The following PSD3 variants were observed in gnomAD, a reference collection of about 807,000 sequenced individuals.
The protein encoded by PSD3 is PH and SEC7 domain-containing protein 3.
PSD3 carries 49 observed loss-of-function variants against 105.5 expected under a neutral mutation model. The observed-to-expected ratio is 0.46, with a 90% CI of 0.37 to 0.59. The LOEUF (loss-of-function observed/expected upper bound fraction) is 0.59, where lower values mean the gene tolerates loss of function less well. PSD3 is among the 20% of genes least tolerant of loss of function. The probability of loss-of-function intolerance (pLI) is 0.00; values close to 1 mark genes in which losing one functional copy is unlikely to be tolerated. For missense variants in PSD3, 1,561 were observed against 1,263.8 expected (o/e 1.24, Z -3.57); for synonymous variants, 557 against 457.8 (o/e 1.22, Z -2.77).
intron 10 of PSD3, among the ~76,000 whole-genome samples, chr8:18,637,186 ATTTCT>A (rs1807317632): frequency 6.6e-6 from 1 of 152,164 alleles, no homozygotes; most frequent in South Asian, 2.1e-4. Flanking sequence ...GTTTGTGTAC[ATTTCT>A]TTTGTCTTAC....
intron 2 of PSD3, among the ~76,000 whole-genome samples, chr8:18,879,273 G>T (rs2410580): frequency 0.13 from 19,927 of 152,072 alleles, 1,420 homozygotes; most frequent in South Asian, 0.2. Context: ...CTTGGCAACC[G>T]GTCAAAGAAA....
chr8:18,697,662 G>T (rs1369813745), intron 9 of PSD3, among the ~76,000 whole-genome samples: 4 of 152,148 alleles, frequency 2.6e-5, no homozygotes, highest in Admixed American at 2.6e-4. Flanking sequence ...AAAATCCCCA[G>T]AAGGTCCCAA....
chr8:18,695,844 GAAGGAGTATGAA>G (rs562301108), intron 9 of PSD3, among the ~76,000 whole-genome samples: 18 of 152,300 alleles, frequency 1.2e-4, no homozygotes, highest in African/African-American at 4.3e-4. Flanking sequence ...TCTGTAACAA[GAAGGAGTATGAA>G]ACAAGTCAAA....
chr8:19,014,804 G>C (rs1261715255), upstream of PSD3, among the ~76,000 whole-genome samples: 2 of 152,196 alleles, frequency 1.3e-5, no homozygotes, highest in Non-Finnish European at 2.9e-5. This position sits in a 1 kb window ranked among gnomAD's most constrained non-coding sequence, Gnocchi z 4.9. Context: ...GCATAGCTGA[G>C]ATGCACCAAG....
At chr8:19,039,062 A>C (rs13248318) in intron 1 of PSD3, among the ~76,000 whole-genome samples, 37,812 of 151,772 alleles carry the variant, frequency 0.25, 5,761 homozygotes, top group Middle Eastern at 0.39. Flanking sequence ...TTGACCTTTA[A>C]CTCCACACTG....
At chr8:18,862,336 A>C (rs1816513152) in intron 4 of PSD3, among the ~76,000 whole-genome samples, 2 of 151,814 alleles carry the variant, frequency 1.3e-5, no homozygotes, top group Admixed American at 6.6e-5. Context: ...GACCTAGAAG[A>C]GCCCCTAACC....
chr8:18,544,140 G>C (rs1406946472), intron 15 of PSD3, among the ~76,000 whole-genome samples: 2 of 127,742 alleles, frequency 1.6e-5, no homozygotes, highest in African/African-American at 6.5e-5. Flanking sequence ...TTTGCTCCTA[G>C]ATCTCTACAA....
chr8:18,971,327 CCGAGTCA>C (rs1824638027), intron 1 of PSD3, among the ~76,000 whole-genome samples: 1 of 152,192 alleles, frequency 6.6e-6, no homozygotes, highest in African/African-American at 2.4e-5. Context: ...CACAGGCTGA[CCGAGTCA>C]CTGCAGCCAC....
chr8:18,965,461 C>T (rs1056808128), intron 1 of PSD3, among the ~76,000 whole-genome samples: 6 of 152,148 alleles, frequency 3.9e-5, no homozygotes, highest in Non-Finnish European at 5.9e-5. Flanking sequence ...CCCCGTTCGG[C>T]GGGGGTGACA....
chr8:18,539,754 G>A (rs1363547307), intron 15 of PSD3, among the ~76,000 whole-genome samples: 3 of 151,790 alleles, frequency 2.0e-5, no homozygotes. Flanking sequence ...CACCATGTTG[G>A]CCAGGATGGT....
At chr8:18,821,872 C>CACACACACACA (rs10625767) in intron 4 of PSD3, among the ~76,000 whole-genome samples, 154 of 137,480 alleles carry the variant, frequency 1.1e-3, no homozygotes, top group African/African-American at 4.1e-3. Context: ...TGCACACACA[C>CACACACACACA]CACACACACA....
intron 14 of PSD3, among the ~76,000 whole-genome samples, chr8:18,561,022 T>C (rs867261269): frequency 2.0e-5 from 3 of 152,168 alleles, no homozygotes; most frequent in Non-Finnish European, 4.4e-5. Context: ...TCTGGAAAAC[T>C]GTAAGAAGGC....
At chr8:18,853,921 T>A (rs562745887) in intron 4 of PSD3, among the ~76,000 whole-genome samples, 1 of 152,194 alleles carries the variant, frequency 6.6e-6, no homozygotes, top group Non-Finnish European at 1.5e-5. Flanking sequence ...TCATTTGTCA[T>A]CCTTATTTAG....
chr8:18,710,209 A>T (rs1172916116), intron 9 of PSD3, among the ~76,000 whole-genome samples: 2 of 152,212 alleles, frequency 1.3e-5, no homozygotes, highest in Non-Finnish European at 2.9e-5. Context: ...CATGAGTATC[A>T]ATAGCCAAAC....
At chr8:18,737,352 G>T (rs1427151228) in intron 9 of PSD3, among the ~76,000 whole-genome samples, 1 of 152,106 alleles carries the variant, frequency 6.6e-6, no homozygotes, top group Non-Finnish European at 1.5e-5. Flanking sequence ...CGTGTGACGG[G>T]GTCTTACTCT....
chr8:18,956,763 T>C (rs1365029166), intron 1 of PSD3, among the ~76,000 whole-genome samples: 1 of 152,138 alleles, frequency 6.6e-6, no homozygotes, highest in East Asian at 1.9e-4. Context: ...AGCTTAAAAA[T>C]GATTGTTAAT....
intron 11 of PSD3, among the ~76,000 whole-genome samples, chr8:18,616,027 G>C (rs369303223): frequency 1.3e-5 from 2 of 149,954 alleles, no homozygotes; most frequent in African/African-American, 4.9e-5. Flanking sequence ...GAATATAACA[G>C]CCTCACTTGC....
At chr8:18,977,378 G>T (rs1237447736) in intron 1 of PSD3, among the ~76,000 whole-genome samples, 2 of 152,012 alleles carry the variant, frequency 1.3e-5, no homozygotes, top group African/African-American at 2.4e-5. Flanking sequence ...TGTAAAACAG[G>T]ATTAATAATA....
intron 1 of PSD3, among the ~76,000 whole-genome samples, chr8:18,992,010 T>C (rs531791364): frequency 1.2e-4 from 18 of 152,294 alleles, no homozygotes; most frequent in African/African-American, 3.4e-4. Flanking sequence ...TTGCCCAAAA[T>C]TGAATCATCA....
Sources: allele counts gnomAD v4.1 joint callset (sites outside exome capture counted in the v4.1 genomes callset), GRCh38; gene constraint gnomAD v4.1.1; non-coding constraint Gnocchi (gnomAD v3.1); transcripts MANE v1.5; gene names NCBI Gene and HGNC (gene_info 2026-07-23, HGNC 2026-07-21).